The following ACVR1 variants were observed in gnomAD, a reference collection of about 807,000 sequenced individuals.
ACVR1 encodes activin A receptor type 1.
Under a neutral mutation model 57.1 loss-of-function variants are expected in ACVR1, and 38 were observed. That is an observed-to-expected ratio of 0.67 (90% CI 0.51 to 0.87). ACVR1 has a LOEUF of 0.87. Among genes scored for constraint, ACVR1 ranks in the 40% least tolerant of loss-of-function variants. ACVR1 has a pLI of 0.00. For synonymous variants in ACVR1, 212 were observed against 228.1 expected (o/e 0.93, Z 0.63); for missense variants, 463 against 638.2 (o/e 0.73, Z 2.96).
chr2:157,775,357 T>C (rs1388718460), intron 5 of ACVR1, among the ~76,000 whole-genome samples: 1 of 152,228 alleles, frequency 6.6e-6, no homozygotes, highest in East Asian at 1.9e-4. Context: ...AAGAAGCAGG[T>C]ATCAGGCATA....
At chr2:157,746,367 A>G (rs1684965670) in intron 9 of ACVR1, among the ~76,000 whole-genome samples, 1 of 147,196 alleles carries the variant, frequency 6.8e-6, no homozygotes, top group Non-Finnish European at 1.5e-5. Flanking sequence ...TCATCGAGTC[A>G]GAGAGTATGA....
chr2:157,778,197 G>C lies in ACVR1; in HGVS notation c.477C>G (p.Pro159=). The change falls in exon 5 of 11, where the codon CCC becomes CCG. Residue 159 remains proline (P), a synonymous_variant. Coordinates refer to ENST00000434821, the MANE Select transcript of ACVR1 (RefSeq NM_001111067.4). ...FKRRNQERLN[P]RDVEYGTIEG... ...CGATAGTGCCATACTCCACGTCTCG[G>C]GGATTGAGGCGTTCTTGGTTGCGCC... 1.2e-6 allele frequency: 2 copies of C among 1,613,998 alleles called. No homozygotes were observed. Among genetic ancestry groups the C allele is most frequent in the Non-Finnish European group, 1.7e-6 (2 of 1,179,968 alleles).
At chr2:157,803,856 C>G (rs1426780930) in intron 2 of ACVR1, among the ~76,000 whole-genome samples, 1 of 151,748 alleles carries the variant, frequency 6.6e-6, no homozygotes, top group Non-Finnish European at 1.5e-5. Context: ...AAAATTTAAA[C>G]AGAATTTTTA....
At chr2:157,767,483 A>G (rs1685909851) in intron 7 of ACVR1, among the ~76,000 whole-genome samples, 1 of 152,172 alleles carries the variant, frequency 6.6e-6, no homozygotes, top group Non-Finnish European at 1.5e-5. Flanking sequence ...TTATTCTCAC[A>G]TATATGAACC....
intron 2 of ACVR1, among the ~76,000 whole-genome samples, chr2:157,804,184 T>C (rs1687434281): frequency 6.6e-6 from 1 of 152,200 alleles, no homozygotes; most frequent in South Asian, 2.1e-4. Flanking sequence ...TTCAAGTAAC[T>C]GCCTTAGTCC....
At chr2:157,778,840 A>G (rs1032876280) in intron 4 of ACVR1, among the ~76,000 whole-genome samples, 52 of 152,004 alleles carry the variant, frequency 3.4e-4, no homozygotes, top group African/African-American at 1.2e-3. Context: ...TCCTCTCTTC[A>G]TTTACTCGCT....
At chr2:157,818,622 G>A (rs1224777208) in intron 1 of ACVR1, 63 bp from the exon 2 acceptor site, 1 of 152,224 alleles carries the variant, frequency 6.6e-6, no homozygotes, top group East Asian at 1.9e-4. Flanking sequence ...TTGTGAATGT[G>A]GTGGCTAAAG....
At chr2:157,805,034 T>A (rs911842530) in intron 2 of ACVR1, among the ~76,000 whole-genome samples, 2 of 152,206 alleles carry the variant, frequency 1.3e-5, no homozygotes, top group African/African-American at 4.8e-5. Flanking sequence ...GTGGTATTGG[T>A]CACAGAATAA....
intron 9 of ACVR1, among the ~76,000 whole-genome samples, chr2:157,748,081 C>T (rs913590266): frequency 1.3e-5 from 2 of 152,136 alleles, no homozygotes; most frequent in Non-Finnish European, 2.9e-5. Context: ...ACAGGAACTA[C>T]CAAGCAAGCC....
chr2:157,830,490 A>C (rs1164034836), intron 1 of ACVR1, among the ~76,000 whole-genome samples: 3 of 152,206 alleles, frequency 2.0e-5, no homozygotes, highest in African/African-American at 7.2e-5. Context: ...TTCTGATTTC[A>C]TACAAAAAGA....
chr2:157,740,384 T>G (rs571762436), intron 9 of ACVR1, among the ~76,000 whole-genome samples: 1 of 152,158 alleles, frequency 6.6e-6, no homozygotes, highest in African/African-American at 2.4e-5. Flanking sequence ...CAGGAAACAT[T>G]CAAACAAAAA....
chr2:157,873,702 C>A (rs1201930087), intron 1 of ACVR1, among the ~76,000 whole-genome samples: 1 of 152,168 alleles, frequency 6.6e-6, no homozygotes, highest in Admixed American at 6.5e-5. Context: ...AGAAGCCTAT[C>A]ATGACAATCA....
intron 4 of ACVR1, 56 bp from the exon 5 acceptor site, chr2:157,778,398 T>C: frequency 7.1e-7 from 1 of 1,414,714 alleles, no homozygotes; most frequent in Non-Finnish European, 9.9e-7. Flanking sequence ...TTACTTATTA[T>C]TAGCATAACC....
At chr2:157,777,122 C>A (rs531972605) in intron 5 of ACVR1, among the ~76,000 whole-genome samples, 1 of 152,258 alleles carries the variant, frequency 6.6e-6, no homozygotes, top group African/African-American at 2.4e-5. Context: ...AAGTGATACC[C>A]TTTCCCCACT....
intron 1 of ACVR1, among the ~76,000 whole-genome samples, chr2:157,863,336 C>CTTTT (rs1161335923): frequency 0.16 from 5,730 of 35,600 alleles, 2,069 homozygotes; most frequent in Non-Finnish European, 0.22. Flanking sequence ...AATTGTTTCT[C>CTTTT]TTTTTTTTTT....
At chr2:157,795,377 A>AACACACACAC (rs4029027) in intron 3 of ACVR1, among the ~76,000 whole-genome samples, 2 of 134,200 alleles carry the variant, frequency 1.5e-5, no homozygotes, top group African/African-American at 5.7e-5. Flanking sequence ...CCTTCCATAG[A>AACACACACAC]ACACACACAC....
At chr2:157,751,040 C>A (rs1337424385) in intron 9 of ACVR1, among the ~76,000 whole-genome samples, 1 of 152,090 alleles carries the variant, frequency 6.6e-6, no homozygotes, top group Non-Finnish European at 1.5e-5. Context: ...CAGGAATATA[C>A]CAGGAAAGCT....
intron 2 of ACVR1, among the ~76,000 whole-genome samples, chr2:157,802,791 A>T (rs893387779): frequency 6.6e-6 from 1 of 152,222 alleles, no homozygotes; most frequent in Non-Finnish European, 1.5e-5. Context: ...TGTGCTTTTG[A>T]ACATCTGTCT....
chr2:157,828,045 A>C (rs76317512), intron 1 of ACVR1, among the ~76,000 whole-genome samples: 5,759 of 152,262 alleles, frequency 0.038, 387 homozygotes, highest in African/African-American at 0.13. Context: ...TTTTTGGGCC[A>C]GGTGTAGTGG....
Sources: allele counts gnomAD v4.1 joint callset (sites outside exome capture counted in the v4.1 genomes callset), GRCh38; gene constraint gnomAD v4.1.1; transcripts MANE v1.5; gene names NCBI Gene and HGNC (gene_info 2026-07-23, HGNC 2026-07-21).